AAGAB: variants seen among roughly 807,000 people sequenced by gnomAD.
The protein encoded by AAGAB is alpha- and gamma-adaptin-binding protein p34.
In AAGAB, 38 loss-of-function variants were observed where a neutral mutation model predicts 44.1. The ratio of observed to expected loss-of-function variants is 0.86; its 90% CI spans 0.67 to 1.13. AAGAB has a LOEUF of 1.13. AAGAB is among the 50% of genes most tolerant of loss of function. The pLI is 0.00. For missense variants in AAGAB, 450 were observed against 373.8 expected (o/e 1.20, Z -1.68); for synonymous variants, 131 against 131.8 (o/e 0.99, Z 0.04).
chr15:67,224,397 A>G (rs1285921250), intron 5 of AAGAB, among the ~76,000 whole-genome samples: 1 of 152,142 alleles, frequency 6.6e-6, no homozygotes, highest in East Asian at 1.9e-4. Flanking sequence ...TTTCTTTCAG[A>G]TCTTAAGAAG....
intron 4 of AAGAB, chr15:67,232,453 A>G: frequency 4.4e-6 from 1 of 228,644 alleles, no homozygotes; most frequent in Non-Finnish European, 8.9e-6. Context: ...ATCATGAATG[A>G]CATGGTAACT....
chr15:67,206,214 T>G (rs1963681540), intron 7 of AAGAB, among the ~76,000 whole-genome samples: 1 of 152,220 alleles, frequency 6.6e-6, no homozygotes, highest in Admixed American at 6.5e-5. Flanking sequence ...TCAGATTGTT[T>G]TCTTATTATT....
chr15:67,213,699 C>T (rs1298915462), intron 5 of AAGAB, among the ~76,000 whole-genome samples: 1 of 152,140 alleles, frequency 6.6e-6, no homozygotes, highest in Non-Finnish European at 1.5e-5. Context: ...GCTATGCCTT[C>T]TCTGTACCTC....
intron 5 of AAGAB, among the ~76,000 whole-genome samples, chr15:67,221,754 T>TAC (rs1964069600): frequency 6.6e-6 from 1 of 152,252 alleles, no homozygotes; most frequent in South Asian, 2.1e-4. Flanking sequence ...TATAGGAGCC[T>TAC]ACTGATATTC....
intron 4 of AAGAB, among the ~76,000 whole-genome samples, chr15:67,233,216 G>C (rs1260459778): frequency 6.6e-6 from 1 of 152,204 alleles, no homozygotes; most frequent in East Asian, 1.9e-4. Context: ...AGAACTTCTT[G>C]ATCAGAGAAA....
chr15:67,254,506 G>A, intron 1 of AAGAB, 53 bp downstream of exon 1: 4 of 1,542,882 alleles, frequency 2.6e-6, no homozygotes, highest in Admixed American at 4.0e-5. Flanking sequence ...TGGGTCCGTC[G>A]CCCGCTGAGG....
chr15:67,252,093 G>C (rs1208108235), intron 1 of AAGAB, among the ~76,000 whole-genome samples: 1 of 152,072 alleles, frequency 6.6e-6, no homozygotes, highest in Non-Finnish European at 1.5e-5. Context: ...AGATAAAATG[G>C]ATTATTTTAC....
At chr15:67,235,213 T>G (rs1412996823) in intron 4 of AAGAB, among the ~76,000 whole-genome samples, 1 of 152,226 alleles carries the variant, frequency 6.6e-6, no homozygotes, top group African/African-American at 2.4e-5. Flanking sequence ...CAACACGTTC[T>G]CTGCACTTTT....
chr15:67,225,621 A>G (rs76553216), intron 5 of AAGAB, among the ~76,000 whole-genome samples: 1 of 152,212 alleles, frequency 6.6e-6, no homozygotes, highest in Non-Finnish European at 1.5e-5. Flanking sequence ...ACTATTCTGG[A>G]TATTTCATAT....
At chr15:67,231,973 GC>G in intron 4 of AAGAB, 76 bp from the exon 5 acceptor site, 1 of 1,283,794 alleles carries the variant, frequency 7.8e-7, no homozygotes, top group South Asian at 1.2e-5. Context: ...CAAAAATGTG[GC>G]CAGGCACGGT....
chr15:67,204,015 A>G (rs1433915590), intron 8 of AAGAB, 29 bp downstream of exon 8: 1 of 1,342,810 alleles, frequency 7.4e-7, no homozygotes, highest in Non-Finnish European at 1.1e-6. Context: ...TCAACATGGG[A>G]ACATATTAGA....
At chr15:67,230,925 C>T (rs1034303395) in intron 5 of AAGAB, among the ~76,000 whole-genome samples, 1 of 152,210 alleles carries the variant, frequency 6.6e-6, no homozygotes, top group Non-Finnish European at 1.5e-5. Flanking sequence ...ATTTAAAAAT[C>T]TCCAGTGACT....
At chr15:67,205,595 G>A (rs1368431221) in intron 7 of AAGAB, among the ~76,000 whole-genome samples, 1 of 152,190 alleles carries the variant, frequency 6.6e-6, no homozygotes, top group Non-Finnish European at 1.5e-5. Context: ...GTTGGGTGAG[G>A]CATGGGAAGA....
chr15:67,216,558 A>C (rs1466531557), intron 5 of AAGAB, among the ~76,000 whole-genome samples: 38 of 150,632 alleles, frequency 2.5e-4, no homozygotes, highest in Admixed American at 9.3e-4. Context: ...CTATGCACAC[A>C]TACACACAAA....
rs1231771131 is a variant in AAGAB at position 67,209,538 on chromosome 15, T to C, written c.542A>G (p.Asn181Ser). The change falls in exon 6 of 10, where the codon AAC (asparagine) becomes AGC (serine). Residue 181 changes from asparagine to serine, a missense_variant. Physicochemically the swap from Asn to Ser is conservative, Grantham distance 46 (BLOSUM62 1). Transcript: ENST00000261880. The stretch of plus-strand genomic sequence containing the variant: ...TGAGTTGAGAAGGCTAAAGCCTTGG[T>C]TCCTATCTGAAAAGGAAAAATACAC... The part of the protein sequence containing the change: ...WSNVVMKNDR[N>S]QGFSLLNSLT... 6.2e-7 allele frequency: 1 copy of C among 1,613,448 alleles called. No homozygotes were observed. Among genetic ancestry groups the C allele is most frequent in the African/African-American group, 1.3e-5 (1 of 74,932 alleles).
At position 67,218,659 on chromosome 15, in the gene AAGAB, G is replaced by A. The variant is rs1248347252; in HGVS notation, c.536-9115C>T. Among the ~76,000 whole-genome samples the A allele has an allele frequency of 3.3e-5, 5 of 152,208 alleles. No individual in the cohort carries two copies. In the East Asian group the frequency reaches 9.6e-4, roughly 29 times the overall value. The stretch of plus-strand genomic sequence containing the variant: ...CAATCTCACTGGAGACCAAAGAGGA[G>A]GTGTGGCAGGAGCAATCAACTTTCA... On this transcript the variant is annotated intron_variant, in intron 5 of 9. Transcript: ENST00000261880.
Position 67,254,563 on chromosome 15 carries a change from G to C in AAGAB, c.69C>G (p.Val23=). 1.2e-6 allele frequency: 2 copies of C among 1,608,328 alleles called. No individual in the cohort carries two copies. Among genetic ancestry groups the C allele is most frequent in the Non-Finnish European group, 1.7e-6 (2 of 1,178,284 alleles). ...CSSVFSGDQL[V]QHILGTEDLI... ...CCCAGGCGCCTATCTACTCACGTTG[G>C]ACCAGCTGGTCTCCTGAGAAGACGG... is the stretch of plus-strand genomic sequence containing the variant. Residue 23 remains valine, a synonymous_variant, in exon 1 of 10, where the codon GTC becomes GTG. Coordinates refer to ENST00000261880, the MANE Select transcript of AAGAB (RefSeq NM_024666.5).
At chr15:67,236,598 T>G in intron 2 of AAGAB, 32 bp downstream of exon 2, 1 of 1,604,168 alleles carries the variant, frequency 6.2e-7, no homozygotes. Flanking sequence ...AATAATTTCT[T>G]ATTCAAGCCT....
chr15:67,204,193 T>G (rs2140341340), intron 7 of AAGAB, 45 bp from the exon 8 acceptor site: 1 of 1,323,612 alleles, frequency 7.6e-7, no homozygotes, highest in South Asian at 1.2e-5. Flanking sequence ...TATTTGCATA[T>G]GTGCTACACT....
Sources: gnomAD v4.1 joint callset for allele counts (sites outside exome capture counted in the v4.1 genomes callset) on GRCh38, gnomAD v4.1.1 for gene constraint, MANE v1.5 for transcripts, NCBI Gene and HGNC (gene_info 2026-07-23, HGNC 2026-07-21) for gene names.